RUNX1: variants seen among roughly 807,000 people sequenced by gnomAD.
RUNX1 encodes the protein runt-related transcription factor 1.
Under a neutral mutation model 42.8 loss-of-function variants are expected in RUNX1, and 19 were observed. That is an observed-to-expected ratio of 0.44 (90% CI 0.31 to 0.65). The LOEUF (loss-of-function observed/expected upper bound fraction) is 0.65. RUNX1 is among the 30% of genes least tolerant of loss of function. RUNX1 has a pLI of 0.07. For synonymous variants in RUNX1, 271 were observed against 289.4 expected (o/e 0.94, Z 0.64); for missense variants, 528 against 672.0 (o/e 0.79, Z 2.37).
At chr21:34,860,836 T>C (rs996274725) in intron 5 of RUNX1, among the ~76,000 whole-genome samples, 2 of 152,184 alleles carry the variant, frequency 1.3e-5, no homozygotes, top group African/African-American at 4.8e-5. Context: ...AATGAAAATA[T>C]AATCTTTGGC....
At position 34,834,617 on chromosome 21, in the gene RUNX1, G is replaced by A; in HGVS notation, c.614-16C>T. ...TGCCGATGTCCTATTGTGGGGAGCA[G>A]GGAGGGGAGGGGATGGGGGGAGGGA... On this transcript the variant is annotated splice_polypyrimidine_tract_variant and intron_variant, in intron 6 of 8. Coordinates refer to ENST00000675419, the MANE Select transcript of RUNX1 (RefSeq NM_001754.5). The A allele has an allele frequency of 1.3e-6, 2 of 1,579,606 alleles. No individual in the cohort carries two copies. The highest frequency in any genetic ancestry group is 1.7e-6 in the Non-Finnish European group (2 of 1,151,764).
intron 7 of RUNX1, among the ~76,000 whole-genome samples, chr21:34,823,366 A>G (rs1283716663): frequency 6.7e-6 from 1 of 149,576 alleles, no homozygotes; most frequent in Non-Finnish European, 1.5e-5. Context: ...TCAGTGACCC[A>G]GTTCAGATTG....
chr21:35,029,223 C>T (rs1329189885), intron 2 of RUNX1, among the ~76,000 whole-genome samples: 3 of 152,138 alleles, frequency 2.0e-5, no homozygotes, highest in African/African-American at 7.2e-5. Flanking sequence ...AAGGAAATTT[C>T]AAGTGTATTA....
intron 6 of RUNX1, among the ~76,000 whole-genome samples, chr21:34,837,478 C>CA (rs1253047599): frequency 3.0e-4 from 45 of 152,216 alleles, no homozygotes; most frequent in Non-Finnish European, 1.5e-5. Context: ...CCTCATGTGC[C>CA]AAATAGCAAT....
intron 2 of RUNX1, among the ~76,000 whole-genome samples, chr21:34,905,905 T>C (rs981961992): frequency 6.6e-6 from 1 of 152,226 alleles, no homozygotes; most frequent in African/African-American, 2.4e-5. Flanking sequence ...ATCCTCTCTT[T>C]ACTGATCTTT....
intron 2 of RUNX1, among the ~76,000 whole-genome samples, chr21:34,940,144 G>A (rs751042439): frequency 1.1e-4 from 16 of 152,076 alleles, no homozygotes; most frequent in Non-Finnish European, 2.1e-4. Context: ...CCTCATGGGT[G>A]GTATGAGTTG....
At position 34,792,564 on chromosome 21, in the gene RUNX1, C is replaced by A; in HGVS notation, c.1014G>T (p.Ala338=). The change falls in exon 9 of 9, where the codon GCG becomes GCT. Residue 338 remains alanine, a synonymous_variant. Coordinates refer to ENST00000675419, the MANE Select transcript of RUNX1 (RefSeq NM_001754.5). The surrounding 1 kb of genome is among the most constrained non-coding windows in gnomAD (Gnocchi z 6.9). ...TGCGGGGGTCGGAGATGGAGGGCAGCGCGGGGAACTGGCGCGGGTCGCTGA... is the reference window on the plus strand; with the variant it reads ...TGCGGGGGTCGGAGATGGAGGGCAGAGCGGGGAACTGGCGCGGGTCGCTGA... The part of the protein sequence containing the change: ...TAFSDPRQFP[A]LPSISDPRMH... 1 of 1,606,230 alleles carries A rather than the reference C, an allele frequency of 6.2e-7. No individual in the cohort carries two copies. Among genetic ancestry groups the A allele is most frequent in the South Asian group, 1.1e-5 (1 of 89,612 alleles).
chr21:34,987,140 T>C (rs1222162298), intron 2 of RUNX1, among the ~76,000 whole-genome samples: 1 of 152,240 alleles, frequency 6.6e-6, no homozygotes, highest in East Asian at 1.9e-4. Flanking sequence ...AGAGGAACGT[T>C]GTTTTGACTA....
chr21:34,865,793 G>A (rs1426464897), intron 5 of RUNX1, among the ~76,000 whole-genome samples: 1 of 152,202 alleles, frequency 6.6e-6, no homozygotes, highest in Non-Finnish European at 1.5e-5. Context: ...TAAACCTCAG[G>A]ATTGCTTCAA....
chr21:34,851,589 G>T (rs2284615), intron 6 of RUNX1, among the ~76,000 whole-genome samples: 7 of 150,822 alleles, frequency 4.6e-5, no homozygotes, highest in South Asian at 2.1e-4. Flanking sequence ...TGCAGACAGG[G>T]TTTTTTTTTT....
intron 5 of RUNX1, among the ~76,000 whole-genome samples, chr21:34,878,765 C>T (rs983808956): frequency 2.0e-5 from 3 of 152,100 alleles, no homozygotes; most frequent in Non-Finnish European, 4.4e-5. Context: ...CAAGATCAGC[C>T]ATCAATGCCA....
At chr21:34,869,475 C>T (rs578029717) in intron 5 of RUNX1, among the ~76,000 whole-genome samples, 62 of 152,010 alleles carry the variant, frequency 4.1e-4, no homozygotes, top group Non-Finnish European at 7.3e-4. Context: ...GTCATCATTA[C>T]GAATCAAAGG....
At chr21:35,039,185 G>C (rs898407851) in intron 2 of RUNX1, among the ~76,000 whole-genome samples, 1 of 152,212 alleles carries the variant, frequency 6.6e-6, no homozygotes, top group African/African-American at 2.4e-5. Context: ...AAGGGGAATT[G>C]AGGAGGATTA....
chr21:34,794,894 T>C (rs530145287), intron 8 of RUNX1, among the ~76,000 whole-genome samples: 1 of 152,296 alleles, frequency 6.6e-6, no homozygotes, highest in African/African-American at 2.4e-5. Flanking sequence ...CAACTCAGAA[T>C]GTCTCCAGAC....
intron 6 of RUNX1, among the ~76,000 whole-genome samples, chr21:34,836,917 G>A (rs1464903800): frequency 6.6e-6 from 1 of 152,174 alleles, no homozygotes; most frequent in East Asian, 1.9e-4. Flanking sequence ...CCTGTGCCAC[G>A]GAGACACCCA....
chr21:35,038,609 C>CTGTGTGTGTG (rs1378631914), intron 2 of RUNX1: 7 of 283,938 alleles, frequency 2.5e-5, no homozygotes, highest in African/African-American at 9.6e-5. Context: ...CTCTCTCTCT[C>CTGTGTGTGTG]TCTCTGTGTG....
chr21:34,904,790 C>T (rs766510213), intron 2 of RUNX1, among the ~76,000 whole-genome samples: 11 of 152,140 alleles, frequency 7.2e-5, no homozygotes, highest in Non-Finnish European at 1.3e-4. Context: ...CAGAAGTATT[C>T]TGTTTTAGGA....
intron 7 of RUNX1, among the ~76,000 whole-genome samples, chr21:34,816,562 A>C (rs1316103151): frequency 6.6e-6 from 1 of 152,150 alleles, no homozygotes; most frequent in East Asian, 1.9e-4. Flanking sequence ...GAAATGCCAA[A>C]GTGACAGAGA....
intron 8 of RUNX1, among the ~76,000 whole-genome samples, chr21:34,795,916 A>C (rs2056520874): frequency 6.6e-6 from 1 of 152,360 alleles, no homozygotes; most frequent in Middle Eastern, 3.4e-3. Flanking sequence ...TCTGGACACA[A>C]ATAAATGACT....
Sources: allele counts gnomAD v4.1 joint callset (sites outside exome capture counted in the v4.1 genomes callset), GRCh38; gene constraint gnomAD v4.1.1; non-coding constraint Gnocchi (gnomAD v3.1); transcripts MANE v1.5; gene names NCBI Gene and HGNC (gene_info 2026-07-23, HGNC 2026-07-21).